SPAG17: variants seen among roughly 807,000 people sequenced by gnomAD.
The protein encoded by SPAG17 is sperm-associated antigen 17.
In SPAG17, 169 loss-of-function variants were observed where a neutral mutation model predicts 273.6. That is an observed-to-expected ratio of 0.62 (90% confidence interval 0.55 to 0.70). The LOEUF (loss-of-function observed/expected upper bound fraction) is 0.70, where lower values mean the gene tolerates loss of function less well. Ranked by LOEUF, SPAG17 falls within the 30% of genes least tolerant of loss-of-function variation. The probability of loss-of-function intolerance (pLI) is 0.00; values close to 1 mark genes in which losing one functional copy is unlikely to be tolerated. For missense variants in SPAG17, 2,557 were observed against 2,627.8 expected, an observed-to-expected ratio of 0.97 and a Z score of 0.59; for synonymous variants, 825 against 873.2, an observed-to-expected ratio of 0.94 and a Z score of 0.97.
chr1:117,978,107 A>T (rs1655335125), intron 43 of SPAG17, among the ~76,000 whole-genome samples: 1 of 152,144 alleles, frequency 6.6e-6, no homozygotes, highest in Non-Finnish European at 1.5e-5. Context: ...ATTCTGTCAT[A>T]TCCAGCAGGC....
At chr1:118,159,739 T>G (rs1358537345) in intron 1 of SPAG17, among the ~76,000 whole-genome samples, 1 of 152,190 alleles carries the variant, frequency 6.6e-6, no homozygotes, top group African/African-American at 2.4e-5. Context: ...CCCACCAATC[T>G]AGCACATGAG....
chr1:118,177,256 G>A (rs747480649), intron 1 of SPAG17, among the ~76,000 whole-genome samples: 3 of 152,174 alleles, frequency 2.0e-5, no homozygotes, highest in Non-Finnish European at 4.4e-5. Flanking sequence ...CATGGTGGAA[G>A]ATGAAGGAGA....
chr1:118,031,687 T>G lies in SPAG17; in HGVS notation c.3609+5A>C, dbSNP rs368811148. 72 of 1,612,040 alleles carry G rather than the reference T, an allele frequency of 4.5e-5. No individual in the cohort carries two copies. The highest frequency in any genetic ancestry group is 5.9e-5 in the Non-Finnish European group (70 of 1,179,406). ...GTTTGGGAATCTATGGCAAGGTTCA[T>G]TTACCTTTTTCTCTTCTTCTTTTGG... On this transcript the variant is annotated splice_donor_5th_base_variant and intron_variant, in intron 25 of 48. Coordinates refer to ENST00000336338, the MANE Select transcript of SPAG17 (RefSeq NM_206996.4).
intron 25 of SPAG17, among the ~76,000 whole-genome samples, chr1:118,029,164 T>C (rs533389814): frequency 6.6e-6 from 1 of 152,200 alleles, no homozygotes; most frequent in African/African-American, 2.4e-5. Context: ...GTGGAATGAC[T>C]GCTTGAGCCC....
chr1:118,103,570 A>G (rs1367703415), intron 4 of SPAG17, among the ~76,000 whole-genome samples: 1 of 152,162 alleles, frequency 6.6e-6, no homozygotes, highest in Admixed American at 6.5e-5. Context: ...TCTCTGCACC[A>G]GGTATAAATT....
rs1161423610 is a variant in SPAG17, at chr1:118,093,388, T to C, written c.1012-71A>G. The C allele has an allele frequency of 2.8e-6, 4 of 1,439,738 alleles. No homozygotes were observed. In the African/African-American group the frequency reaches 4.3e-5, roughly 15 times the overall value. The allele number at this position is 1,439,738 out of a possible 1,614,324, so 89.2% of individuals were successfully genotyped here. ...GTTGGAATCAGATATATGGTATATA[T>C]CTCTTAACAGTTATGCCCATCAACT... On this transcript the variant is annotated intron_variant, in intron 7 of 48. Transcript: ENST00000336338.
intron 3 of SPAG17, among the ~76,000 whole-genome samples, chr1:118,133,228 C>A (rs754413729): frequency 3.3e-5 from 5 of 152,014 alleles, no homozygotes; most frequent in Admixed American, 6.6e-5. Flanking sequence ...TGAATGAATG[C>A]ATGATGGGCA....
intron 20 of SPAG17, among the ~76,000 whole-genome samples, chr1:118,051,311 G>A (rs978379625): frequency 2.0e-5 from 3 of 152,054 alleles, no homozygotes; most frequent in Non-Finnish European, 2.9e-5. Flanking sequence ...AATTACTACA[G>A]CCACTATTGA....
At chr1:118,038,429 A>G (rs764930580) in intron 23 of SPAG17, among the ~76,000 whole-genome samples, 12 of 152,154 alleles carry the variant, frequency 7.9e-5, no homozygotes, top group Non-Finnish European at 1.6e-4. Context: ...GTGCTTACCC[A>G]AGGGAGTTGA....
intron 43 of SPAG17, among the ~76,000 whole-genome samples, chr1:117,976,065 C>T (rs569362787): frequency 1.9e-4 from 29 of 152,212 alleles, no homozygotes; most frequent in African/African-American, 7.0e-4. Context: ...ATAATGTGCC[C>T]AGTGTCACAT....
At position 117,966,703 on chromosome 1, in the gene SPAG17, A is replaced by C. The variant is rs2101451022; in HGVS notation, c.6438T>G (p.Ala2146=). 1.9e-6 allele frequency: 3 copies of C among 1,614,100 alleles called. No individual in the cohort carries two copies. The South Asian group carries it at 3.3e-5, about 18-fold the overall frequency. Residue 2146 remains alanine (A), a synonymous_variant, in exon 47 of 49, where the codon GCT becomes GCG. Coordinates refer to ENST00000336338, the MANE Select transcript of SPAG17 (RefSeq NM_206996.4). ...ATCCCTTGGCCCCATCCTCTCCAAC[A>C]GCTGTGGCAAATAACTCTATATTCA... is the stretch of plus-strand genomic sequence containing the variant. The part of the protein sequence containing the change: ...TELNIELFAT[A]VGEDGAKGSA...
intron 27 of SPAG17, 82 bp downstream of exon 27, chr1:118,025,156 C>T: frequency 8.1e-7 from 1 of 1,230,890 alleles, no homozygotes; most frequent in Non-Finnish European, 1.1e-6. Context: ...TTCCTTTTCC[C>T]TGTTATAGAA....
chr1:118,065,186 A>T (rs1396170792), intron 18 of SPAG17, among the ~76,000 whole-genome samples: 2 of 152,170 alleles, frequency 1.3e-5, no homozygotes, highest in Admixed American at 1.3e-4. Flanking sequence ...ATTTTAATGA[A>T]CTTTATGTCA....
chr1:118,124,609 C>T (rs1303147018), intron 3 of SPAG17, among the ~76,000 whole-genome samples: 1 of 152,216 alleles, frequency 6.6e-6, no homozygotes, highest in African/African-American at 2.4e-5. Flanking sequence ...GTAGTAGGTG[C>T]TCAGACTGTG....
chr1:118,115,931 T>G (rs1178155338), intron 3 of SPAG17, among the ~76,000 whole-genome samples: 1 of 152,232 alleles, frequency 6.6e-6, no homozygotes, highest in Non-Finnish European at 1.5e-5. Context: ...AAATGAAAGA[T>G]AAAAGCTGTT....
chr1:118,070,624 C>G (rs1355639924), intron 17 of SPAG17, among the ~76,000 whole-genome samples: 6 of 151,946 alleles, frequency 3.9e-5, no homozygotes, highest in Admixed American at 3.9e-4. Flanking sequence ...CAAATGTGAG[C>G]CACATGTGCA....
rs189060338 is a variant in SPAG17 at position 118,009,908 on chromosome 1, T to G, written c.4433-1710A>C. The stretch of plus-strand genomic sequence containing the variant: ...AGTAAATATAGGCAATAGAATACTA[T>G]TCAGTGTTAAAAAAAAAGAAATCTG... On this transcript the variant is annotated intron_variant, in intron 30 of 48. Transcript: ENST00000336338. Among the ~76,000 whole-genome samples the G allele has an allele frequency of 4.4e-3, 672 of 151,962 alleles. 5 individuals carry two copies. The highest frequency in any genetic ancestry group is 0.016 in the African/African-American group (648 of 41,458).
At chr1:118,122,907 A>G (rs1044578906) in intron 3 of SPAG17, among the ~76,000 whole-genome samples, 14 of 152,228 alleles carry the variant, frequency 9.2e-5, no homozygotes, top group African/African-American at 2.9e-4. Flanking sequence ...GCAACTGGGC[A>G]GTGAGACAGT....
intron 18 of SPAG17, among the ~76,000 whole-genome samples, chr1:118,061,919 A>G (rs1021523859): frequency 6.6e-6 from 1 of 152,230 alleles, no homozygotes; most frequent in Non-Finnish European, 1.5e-5. Context: ...GAGAAAATAA[A>G]AGGACAAAAT....
Sources: gnomAD v4.1 joint callset for allele counts (sites outside exome capture counted in the v4.1 genomes callset) on GRCh38, gnomAD v4.1.1 for gene constraint, MANE v1.5 for transcripts, NCBI Gene and HGNC (gene_info 2026-07-23, HGNC 2026-07-21) for gene names.